Variants in SCN11A observed in about 807,000 individuals in gnomAD.
The protein encoded by SCN11A is sodium channel protein type 11 subunit alpha.
In SCN11A, 122 loss-of-function variants were observed where a neutral mutation model predicts 162.2. The ratio of observed to expected loss-of-function variants is 0.75; its 90% CI spans 0.65 to 0.87. The LOEUF (loss-of-function observed/expected upper bound fraction) is 0.87. Ranked by LOEUF, SCN11A falls within the 40% of genes least tolerant of loss-of-function variation. SCN11A has a pLI of 0.00. For missense variants in SCN11A, 2,015 were observed against 2,181.6 expected, an observed-to-expected ratio of 0.92 and a Z score of 1.52; for synonymous variants, 758 against 751.5, an observed-to-expected ratio of 1.01 and a Z score of -0.14.
At position 39,002,036 on chromosome 3, in the gene SCN11A, C is replaced by CAA. The variant is rs377595009; in HGVS notation, c.-280+30342_-280+30343dup. 8.6e-4 allele frequency among the ~76,000 whole-genome samples: 116 copies of CAA among 135,194 alleles called. 2 individuals carry two copies. The highest frequency in any genetic ancestry group is 3.0e-3 in the African/African-American group (112 of 37,080). 88.7% of individuals were successfully genotyped at this position (135,194 alleles called of 152,430 possible). ...TGGGCGACAGAGTGAGACTCCGTCT[C>CAA]AAAAAAAAAACAAAAAAAAACTATT... On this transcript the variant is annotated intron_variant, in intron 2 of 29. Transcript: ENST00000302328.
intron 28 of SCN11A, among the ~76,000 whole-genome samples, chr3:38,861,720 C>A (rs934696458): frequency 2.0e-5 from 3 of 152,128 alleles, no homozygotes; most frequent in African/African-American, 7.2e-5. Flanking sequence ...CCTCATCTCT[C>A]ACCTGGTACA....
chr3:39,030,846 T>C (rs574558229), intron 2 of SCN11A, among the ~76,000 whole-genome samples: 13 of 152,354 alleles, frequency 8.5e-5, no homozygotes, highest in African/African-American at 3.1e-4. Context: ...TGATCAATTA[T>C]AGAACTTTTA....
intron 21 of SCN11A, among the ~76,000 whole-genome samples, chr3:38,883,977 C>T (rs2065352757): frequency 6.6e-6 from 1 of 152,166 alleles, no homozygotes; most frequent in South Asian, 2.1e-4. Flanking sequence ...GATCAAATGT[C>T]GAGACGTTTA....
intron 7 of SCN11A, among the ~76,000 whole-genome samples, chr3:38,938,542 ATATATATATTTTTTTTTTTTTTTTTTT>A (rs1252536315): frequency 1.3e-4 from 3 of 23,148 alleles, no homozygotes; most frequent in African/African-American, 7.5e-4. Flanking sequence ...ATATATATAT[ATATATATATTTTTTTTTTTTTTTTTTT>A]TTTTTTTTTT....
chr3:38,934,857 T>A (rs371813550), intron 7 of SCN11A, among the ~76,000 whole-genome samples: 67 of 148,828 alleles, frequency 4.5e-4, no homozygotes, highest in South Asian at 8.6e-4. Flanking sequence ...GGAATTGAAC[T>A]CAGCTCTGCA....
intron 2 of SCN11A, among the ~76,000 whole-genome samples, chr3:38,975,019 A>C (rs1183853457): frequency 6.6e-6 from 1 of 151,788 alleles, no homozygotes; most frequent in Non-Finnish European, 1.5e-5. Context: ...TTCTTGGCTG[A>C]TACCTCAATA....
chr3:38,950,511 G>A (rs1176903536), intron 4 of SCN11A, 142 bp from the exon 5 acceptor site: 2 of 775,490 alleles, frequency 2.6e-6, no homozygotes, highest in Non-Finnish European at 4.1e-6. Flanking sequence ...CTTGGGAGCT[G>A]ATTGGCTGTG....
intron 23 of SCN11A, among the ~76,000 whole-genome samples, chr3:38,873,767 G>T (rs1300903005): frequency 6.6e-6 from 1 of 152,104 alleles, no homozygotes; most frequent in Non-Finnish European, 1.5e-5. Flanking sequence ...CCACCATACT[G>T]TACTCTTCAA....
At chr3:38,989,978 A>G (rs1245450826) in intron 2 of SCN11A, among the ~76,000 whole-genome samples, 1 of 151,782 alleles carries the variant, frequency 6.6e-6, no homozygotes, top group East Asian at 1.9e-4. Flanking sequence ...TTTCTCTTCC[A>G]GTTTGCACCT....
At chr3:38,957,409 T>G (rs1024054588) in intron 3 of SCN11A, among the ~76,000 whole-genome samples, 5 of 152,190 alleles carry the variant, frequency 3.3e-5, no homozygotes, top group African/African-American at 1.2e-4. Context: ...CATCTTCTGA[T>G]TCAAACTAGA....
chr3:38,938,755 G>T (rs1481233512), intron 7 of SCN11A, among the ~76,000 whole-genome samples: 1 of 150,548 alleles, frequency 6.6e-6, no homozygotes, highest in East Asian at 2.0e-4. Flanking sequence ...GTAGAGACGC[G>T]GTTTCTCCAT....
chr3:38,943,259 A>T (rs951074988), intron 7 of SCN11A, among the ~76,000 whole-genome samples: 2 of 152,204 alleles, frequency 1.3e-5, no homozygotes, highest in Non-Finnish European at 2.9e-5. Context: ...CGAAATTCTT[A>T]AAAAAGGCAA....
At chr3:39,012,453 TC>T (rs2031170631) in intron 2 of SCN11A, among the ~76,000 whole-genome samples, 1 of 132,240 alleles carries the variant, frequency 7.6e-6, no homozygotes, top group African/African-American at 4.2e-5. Flanking sequence ...TCTCTTTCTC[TC>T]TTTCTTTCTT....
chr3:38,984,323 CTCCCCCTACCT>C lies in SCN11A; in HGVS notation c.-279-23911_-279-23901del, dbSNP rs1261254118. 1.2e-4 allele frequency among the ~76,000 whole-genome samples: 19 copies of C among 152,304 alleles called. 1 individual carries two copies. In the South Asian group the frequency reaches 3.9e-3, roughly 32 times the overall value. On this transcript the variant is annotated intron_variant, in intron 2 of 29. Transcript: ENST00000302328. The stretch of plus-strand genomic sequence containing the variant: ...TCAACATTGCATTCAATCTAAAGAG[CTCCCCCTACCT>C]TCCCATAATTGTTATTTTAGTTTAA...
chr3:39,034,227 A>T (rs771084843), intron 1 of SCN11A, among the ~76,000 whole-genome samples: 1 of 152,288 alleles, frequency 6.6e-6, no homozygotes, highest in South Asian at 2.1e-4. Flanking sequence ...AATAGAATTC[A>T]TCAGCACATT....
intron 7 of SCN11A, among the ~76,000 whole-genome samples, chr3:38,944,258 C>A (rs898201488): frequency 6.6e-6 from 1 of 151,986 alleles, no homozygotes; most frequent in Admixed American, 6.6e-5. Context: ...CAAATTGATA[C>A]AAACTTTTTG....
chr3:38,963,580 C>A (rs772574627), intron 2 of SCN11A, among the ~76,000 whole-genome samples: 18 of 151,014 alleles, frequency 1.2e-4, no homozygotes, highest in Non-Finnish European at 2.1e-4. Flanking sequence ...TTTGCAGTGA[C>A]CTGGATAAGA....
intron 19 of SCN11A, among the ~76,000 whole-genome samples, chr3:38,888,073 A>T (rs543241531): frequency 6.6e-6 from 1 of 152,360 alleles, no homozygotes; most frequent in Non-Finnish European, 1.5e-5. Flanking sequence ...GAGGAAGGGA[A>T]CCAGAGCTAT....
intron 2 of SCN11A, among the ~76,000 whole-genome samples, chr3:38,974,694 C>CAAAAAAAAA (rs773028321): frequency 3.1e-4 from 15 of 48,112 alleles, no homozygotes; most frequent in African/African-American, 7.5e-4. Flanking sequence ...GACTCCGTCT[C>CAAAAAAAAA]AAAAAAAAAA....
Sources: gnomAD v4.1 joint callset for allele counts (sites outside exome capture counted in the v4.1 genomes callset) on GRCh38, gnomAD v4.1.1 for gene constraint, MANE v1.5 for transcripts, NCBI Gene and HGNC (gene_info 2026-07-23, HGNC 2026-07-21) for gene names.